The following HOXB13 variants were observed in gnomAD, a reference collection of about 807,000 sequenced individuals.
The protein encoded by HOXB13 is homeobox protein Hox-B13.
A neutral mutation model predicts 23.1 loss-of-function variants in HOXB13; 22 were observed. The observed-to-expected ratio is 0.95, with a 90% CI of 0.68 to 1.36. HOXB13 has a LOEUF of 1.36. Among genes scored for constraint, HOXB13 ranks in the 40% most tolerant of loss-of-function variants. The pLI is 0.00. For missense variants in HOXB13, 386 were observed against 376.2 expected (o/e 1.03, Z -0.22); for synonymous variants, 173 against 157.9 (o/e 1.10, Z -0.72).
chr17:48,728,277 A>C lies in HOXB13; in HGVS notation c.317T>G (p.Leu106Arg), dbSNP rs771674803. The C allele has an allele frequency of 4.3e-6, 7 of 1,614,058 alleles. No homozygotes were observed. The African/African-American group carries it at 9.3e-5, about 22-fold the overall frequency. Residue 106 changes from leucine (L) to arginine (R), a missense_variant, in exon 1 of 2, where the codon CTG becomes CGG. Leu to Arg is a moderately radical substitution (Grantham distance 102, BLOSUM62 -2). Transcript: ENST00000290295. ...SLKPCAQAAT[L>R]AAYPAETPTA... ...GGGAGTCTCCGCGGGGTACGCGGCC[A>C]GGGTGGCTGCCTGGGCACAGGGTTT...
In HOXB13 at chr17:48,728,324, G is replaced by A. The variant is rs2143073224; in HGVS notation, c.270C>T (p.Cys90=). The change falls in exon 1 of 2, where the codon TGC becomes TGT. Residue 90 remains cysteine (C), a synonymous_variant. Transcript: ENST00000290295. ...YGYFGGGYYS[C]RVSRSSLKPC... Reference sequence around the variant, plus strand: ...GTTTCAGCGAGCTCCGGGACACTCGGCAGGAGTAGTACCCGCCTCCAAAGT... The same window carrying A: ...GTTTCAGCGAGCTCCGGGACACTCGACAGGAGTAGTACCCGCCTCCAAAGT... 6.2e-7 allele frequency: 1 copy of A among 1,613,934 alleles called. No homozygotes were observed. The highest frequency in any genetic ancestry group is 8.5e-7 in the Non-Finnish European group (1 of 1,180,010).
chr17:48,726,937 C>T lies in HOXB13; in HGVS notation c.708G>A (p.Ala236=), dbSNP rs555201890. The T allele has an allele frequency of 5.6e-6, 9 of 1,613,904 alleles. No homozygotes were observed. The highest frequency in any genetic ancestry group is 7.6e-6 in the Non-Finnish European group (9 of 1,180,022). ...TGTCCTTGGTGATGAACTTGTTAGCCGCATACTCCCGCTCCAGCTCCCGCA... is the reference window on the plus strand; with the variant it reads ...TGTCCTTGGTGATGAACTTGTTAGCTGCATACTCCCGCTCCAGCTCCCGCA... ...GQLRELEREY[A]ANKFITKDKR... is the part of the protein sequence containing the mutation. Residue 236 remains alanine (A), a synonymous_variant, in exon 2 of 2, where the codon GCG becomes GCA. Coordinates refer to ENST00000290295, the MANE Select transcript of HOXB13 (RefSeq NM_006361.6).
In HOXB13 at chr17:48,728,635, T is replaced by C. The variant is rs767327174; in HGVS notation, c.-42A>G. The C allele has an allele frequency of 6.9e-6, 11 of 1,603,234 alleles. No homozygotes were observed. The African/African-American group carries it at 8.0e-5, about 12-fold the overall frequency. On this transcript the variant is annotated 5_prime_UTR_variant, in exon 1 of 2. Transcript: ENST00000290295. ...TCATGAGGTGCGGGGGCGGGGAATC[T>C]AGGGGGCACCCAGCTCGCTCTCCCC...
At position 48,726,955 on chromosome 17, in the gene HOXB13, C is replaced by T. The variant is rs1461105121; in HGVS notation, c.690G>A (p.Glu230=). 1 of 1,613,704 alleles carries T rather than the reference C, an allele frequency of 6.2e-7. No individual in the cohort carries two copies. Among genetic ancestry groups the T allele is most frequent in the South Asian group, 1.1e-5 (1 of 91,078 alleles). Residue 230 remains glutamate, a synonymous_variant, in exon 2 of 2, where the codon GAG becomes GAA. Transcript: ENST00000290295. The stretch of plus-strand genomic sequence containing the variant: ...TGTTAGCCGCATACTCCCGCTCCAG[C>T]TCCCGCAACTGCCCCTTGCTGTACG... The part of the protein sequence containing the change: ...RIPYSKGQLR[E]LEREYAANKF...
At position 48,726,675 on chromosome 17, in the gene HOXB13, T is replaced by C. The variant is rs183620920; in HGVS notation, c.*115A>G. Reference sequence around the variant, plus strand: ...CCAGCAGCCAGTGGCCTGGGAAGGGTGTTGTCTCTAGGGGCCTCTCAGCAG... The same window carrying C: ...CCAGCAGCCAGTGGCCTGGGAAGGGCGTTGTCTCTAGGGGCCTCTCAGCAG... On this transcript the variant is annotated 3_prime_UTR_variant, in exon 2 of 2. Coordinates refer to ENST00000290295, the MANE Select transcript of HOXB13 (RefSeq NM_006361.6). 351 of 1,294,388 alleles carry C rather than the reference T, an allele frequency of 2.7e-4. 2 individuals are homozygous for C. The highest frequency in any genetic ancestry group is 3.7e-5 in the Non-Finnish European group (35 of 946,726). The allele number at this position is 1,294,388 out of a possible 1,614,324, so 80.2% of individuals were successfully genotyped here.
rs1193045144 is a variant in HOXB13, at chr17:48,728,143, T to G, written c.451A>C (p.Thr151Pro). 3.7e-6 allele frequency: 6 copies of G among 1,613,660 alleles called. No individual in the cohort carries two copies. Among genetic ancestry groups the G allele is most frequent in the African/African-American group, 2.7e-5 (2 of 74,764 alleles). The part of the protein sequence containing the change: ...ASYLDVSVVQ[T>P]LGAPGEPRHD... ...CGCGGTTCTCCAGGAGCACCCAGAGTCTGCACCACAGACACGTCCAGGTAA... is the reference window on the plus strand; with the variant it reads ...CGCGGTTCTCCAGGAGCACCCAGAGGCTGCACCACAGACACGTCCAGGTAA... Residue 151 changes from threonine to proline, a missense_variant, in exon 1 of 2, where the codon ACT (threonine) becomes CCT (proline). By Grantham distance (38) the Thr-to-Pro change is conservative. Transcript: ENST00000290295.
Position 48,728,509 on chromosome 17 carries a change from C to A in HOXB13, c.85G>T (p.Ala29Ser), listed in dbSNP as rs756970136. Residue 29 changes from alanine (A) to serine (S), a missense_variant, in exon 1 of 2, where the codon GCC becomes TCC. Physicochemically the swap from Ala to Ser is moderately conservative, Grantham distance 99 (BLOSUM62 1). Transcript: ENST00000290295. ...LGAGGGRNLV[A>S]HSPLTSHPAA... Reference sequence around the variant, plus strand: ...GGGTGGCTGGTCAGAGGGGAGTGGGCGACCAGATTCCGCCCCCCTCCCGCT... The same window carrying A: ...GGGTGGCTGGTCAGAGGGGAGTGGGAGACCAGATTCCGCCCCCCTCCCGCT... 27 of 1,613,258 alleles carry A rather than the reference C, an allele frequency of 1.7e-5. No individual in the cohort carries two copies. The highest frequency in any genetic ancestry group is 4.4e-5 in the South Asian group (4 of 91,076).
chr17:48,728,126 T>C lies in HOXB13; in HGVS notation c.468A>G (p.Gly156=), dbSNP rs902238751. Residue 156 remains glycine, a synonymous_variant, in exon 1 of 2, where the codon GGA becomes GGG. Coordinates refer to ENST00000290295, the MANE Select transcript of HOXB13 (RefSeq NM_006361.6). The part of the protein sequence containing the change: ...VSVVQTLGAP[G]EPRHDSLLPV... Reference sequence around the variant, plus strand: ...GCAACAGGGAGTCATGTCGCGGTTCTCCAGGAGCACCCAGAGTCTGCACCA... The same window carrying C: ...GCAACAGGGAGTCATGTCGCGGTTCCCCAGGAGCACCCAGAGTCTGCACCA... 6.2e-7 allele frequency: 1 copy of C among 1,614,058 alleles called. No homozygotes were observed. The highest frequency in any genetic ancestry group is 1.3e-5 in the African/African-American group (1 of 74,912).
chr17:48,726,458 A>C lies in HOXB13; in HGVS notation c.*332T>G. 1 of 306,612 alleles carries C rather than the reference A, an allele frequency of 3.3e-6. No homozygotes were observed. The highest frequency in any genetic ancestry group is 2.1e-5 in the African/African-American group (1 of 47,414). The allele number at this position is 306,612 out of a possible 1,614,324, so 19.0% of individuals were successfully genotyped here. On this transcript the variant is annotated 3_prime_UTR_variant, in exon 2 of 2. Transcript: ENST00000290295. ...ATGAAAGCGGTTTCTAAAGTGCTCT[A>C]CAGAGCTCTAGATAGAAAATATGAG...
rs1597935062 is a variant in HOXB13 at position 48,728,477 on chromosome 17, C to A, written c.117G>T (p.Ala39=). The A allele has an allele frequency of 6.2e-7, 1 of 1,613,098 alleles. No individual in the cohort carries two copies. Among genetic ancestry groups the A allele is most frequent in the African/African-American group, 1.3e-5 (1 of 75,066 alleles). ...AHSPLTSHPA[A]PTLMPAVNYA... ...AGTTGACAGCAGGCATCAGCGTAGG[C>A]GCCGCTGGGTGGCTGGTCAGAGGGG... The change falls in exon 1 of 2, where the codon GCG becomes GCT. Residue 39 remains alanine (A), a synonymous_variant. Transcript: ENST00000290295.
In HOXB13 at chr17:48,728,199, C is replaced by T. The variant is rs1286034091; in HGVS notation, c.395G>A (p.Gly132Glu). The change falls in exon 1 of 2, where the codon GGA becomes GAA. Residue 132 changes from glycine (G) to glutamate (E), a missense_variant. Gly to Glu is a moderately conservative substitution (Grantham distance 98). Coordinates refer to ENST00000290295, the MANE Select transcript of HOXB13 (RefSeq NM_006361.6). Reference sequence around the variant, plus strand: ...CATAGGCTGGTAGGTTCCCGGATATCCCGGATAGAAGGCAAACTCAGTGGG... The same window carrying T: ...CATAGGCTGGTAGGTTCCCGGATATTCCGGATAGAAGGCAAACTCAGTGGG... ...SRPTEFAFYPGYPGTYQPMAS... is the reference protein window; with the variant it reads ...SRPTEFAFYPEYPGTYQPMAS... The T allele has an allele frequency of 1.4e-5, 22 of 1,614,202 alleles. No homozygotes were observed. The East Asian group carries it at 4.7e-4, about 34-fold the overall frequency.
In HOXB13 at chr17:48,725,261, T is replaced by A. The variant is rs2038195516; in HGVS notation, c.*1529A>T. On this transcript the variant is annotated 3_prime_UTR_variant, in exon 2 of 2. Transcript: ENST00000290295. Reference sequence around the variant, plus strand: ...TTTAAATCAGGAAATCGACCTCATCTTCCTCCTCCTCGTCCTCTTCCCCTG... The same window carrying A: ...TTTAAATCAGGAAATCGACCTCATCATCCTCCTCCTCGTCCTCTTCCCCTG... The A allele has an allele frequency of 6.5e-6, 1 of 152,912 alleles. No individual in the cohort carries two copies. The highest frequency in any genetic ancestry group is 1.5e-5 in the Non-Finnish European group (1 of 68,586). 9.5% of individuals were successfully genotyped at this position (152,912 alleles called of 1,614,324 possible). A position where few individuals can be genotyped will look rare whatever the true frequency, so the allele number is the denominator to read the frequency against.
chr17:48,726,036 G>A lies in HOXB13; in HGVS notation c.*754C>T, dbSNP rs1427470957. On this transcript the variant is annotated 3_prime_UTR_variant, in exon 2 of 2. Transcript: ENST00000290295. ...CAGAAATATTAAGGGAAGACTCAGAGAGTTTGGGGGAGGAAATTAATGGTG... is the reference window on the plus strand; with the variant it reads ...CAGAAATATTAAGGGAAGACTCAGAAAGTTTGGGGGAGGAAATTAATGGTG... 6.6e-6 allele frequency: 1 copy of A among 152,288 alleles called. No homozygotes were observed. The highest frequency in any genetic ancestry group is 6.5e-5 in the Admixed American group (1 of 15,288). The allele number at this position is 152,288 out of a possible 1,614,324, so 9.4% of individuals were successfully genotyped here.
Position 48,726,785 on chromosome 17 carries a change from A to C in HOXB13, c.*5T>G. The stretch of plus-strand genomic sequence containing the variant: ...TCGCTCCTCCCACCCAGGCAAGGAG[A>C]TCTCTTAAGGGGTAGCGCTGTTCTT... On this transcript the variant is annotated 3_prime_UTR_variant, in exon 2 of 2. Coordinates refer to ENST00000290295, the MANE Select transcript of HOXB13 (RefSeq NM_006361.6). 6.2e-7 allele frequency: 1 copy of C among 1,612,088 alleles called. No homozygotes were observed. The highest frequency in any genetic ancestry group is 8.5e-7 in the Non-Finnish European group (1 of 1,178,500).
Position 48,726,876 on chromosome 17 carries a change from C to G in HOXB13, c.769G>C (p.Glu257Gln), listed in dbSNP as rs1016398275. The G allele has an allele frequency of 1.2e-6, 2 of 1,614,028 alleles. No individual in the cohort carries two copies. Among genetic ancestry groups the G allele is most frequent in the African/African-American group, 2.7e-5 (2 of 74,900 alleles). Residue 257 changes from glutamate to glutamine, a missense_variant, in exon 2 of 2, where the codon GAG becomes CAG. Physicochemically the swap from Glu to Gln is conservative, Grantham distance 29 (BLOSUM62 2). Transcript: ENST00000290295. ...RKISAATSLS[E>Q]RQITIWFQNR... ...TGAAACCAGATGGTAATCTGGCGCT[C>G]CGAGAGGCTGGTGGCTGCCGAGATC...
In HOXB13 at chr17:48,728,521, G is replaced by GC. The variant is rs1214089646; in HGVS notation, c.72dup (p.Arg25AlafsTer102). 1 of 1,613,166 alleles carries GC rather than the reference G, an allele frequency of 6.2e-7. No homozygotes were observed. The highest frequency in any genetic ancestry group is 1.1e-5 in the South Asian group (1 of 91,062). On this transcript the variant is annotated frameshift_variant, in exon 1 of 2. Coordinates refer to ENST00000290295, the MANE Select transcript of HOXB13 (RefSeq NM_006361.6). LOFTEE classifies it high-confidence loss of function. ...AGAGGGGAGTGGGCGACCAGATTCC[G>GC]CCCCCCTCCCGCTCCCAGCAAGCCT...
rs1194037508 is a variant in HOXB13, at chr17:48,725,412, A to G, written c.*1378T>C. 1 of 152,168 alleles carries G rather than the reference A, an allele frequency of 6.6e-6. No individual in the cohort carries two copies. 9.4% of individuals were successfully genotyped at this position (152,168 alleles called of 1,614,324 possible). A position where few individuals can be genotyped will look rare whatever the true frequency, so the allele number is the denominator to read the frequency against. On this transcript the variant is annotated 3_prime_UTR_variant, in exon 2 of 2. Transcript: ENST00000290295. ...CTCACTCCTTCCCAGGAGAGGAGAC[A>G]GGGCTAGGATCCCACCCGACCGCGG...
In HOXB13 at chr17:48,725,698, G is replaced by A; in HGVS notation, c.*1092C>T. The A allele has an allele frequency of 6.5e-6, 1 of 152,744 alleles. No homozygotes were observed. The highest frequency in any genetic ancestry group is 1.5e-5 in the Non-Finnish European group (1 of 68,392). 9.5% of individuals were successfully genotyped at this position (152,744 alleles called of 1,614,324 possible). ...GTGCAGGAAGGACCAGCACGAACCCGCTGGCTTTGCTGCGCGGCCAGGAGA... is the reference window on the plus strand; with the variant it reads ...GTGCAGGAAGGACCAGCACGAACCCACTGGCTTTGCTGCGCGGCCAGGAGA... On this transcript the variant is annotated 3_prime_UTR_variant, in exon 2 of 2. Transcript: ENST00000290295.
intron 1 of HOXB13, among the ~76,000 whole-genome samples, 187 bp downstream of exon 1, chr17:48,727,806 C>T (rs1359510811): frequency 6.6e-6 from 1 of 152,104 alleles, no homozygotes; most frequent in Non-Finnish European, 1.5e-5. Flanking sequence ...AGCTCAGGCC[C>T]CTCACACTGA....
Sources: allele counts gnomAD v4.1 joint callset (sites outside exome capture counted in the v4.1 genomes callset), GRCh38; gene constraint gnomAD v4.1.1; transcripts MANE v1.5; gene names NCBI Gene and HGNC (gene_info 2026-07-23, HGNC 2026-07-21).